COX10: variants seen among roughly 807,000 people sequenced by gnomAD.
COX10 encodes the protein protoheme IX farnesyltransferase, mitochondrial.
A neutral mutation model predicts 37.3 loss-of-function variants in COX10; 27 were observed. That is an observed-to-expected ratio of 0.72 (90% CI 0.53 to 1.00). COX10 has a LOEUF of 1.00. COX10 is among the 50% of genes least tolerant of loss of function. The probability of loss-of-function intolerance (pLI) is 0.00; values close to 1 mark genes in which losing one functional copy is unlikely to be tolerated. For missense variants in COX10, 475 were observed against 563.2 expected (o/e 0.84, Z 1.59); for synonymous variants, 222 against 229.1 (o/e 0.97, Z 0.28).
At chr17:14,129,804 TG>T (rs1354942247) in intron 4 of COX10, among the ~76,000 whole-genome samples, 2 of 152,210 alleles carry the variant, frequency 1.3e-5, no homozygotes, top group Non-Finnish European at 2.9e-5. Flanking sequence ...GAGGACTCTC[TG>T]GGTACAGTAG....
At chr17:14,098,667 G>A (rs1296703605) in intron 3 of COX10, among the ~76,000 whole-genome samples, 1 of 152,128 alleles carries the variant, frequency 6.6e-6, no homozygotes, top group African/African-American at 2.4e-5. Flanking sequence ...GCCTATGACA[G>A]GAGAGACTGT....
intron 3 of COX10, among the ~76,000 whole-genome samples, chr17:14,083,136 G>C (rs1422803643): frequency 1.3e-5 from 2 of 152,204 alleles, no homozygotes; most frequent in Non-Finnish European, 2.9e-5. Flanking sequence ...TACACACACA[G>C]ATGGAAAGGT....
intron 4 of COX10, among the ~76,000 whole-genome samples, chr17:14,135,469 T>C (rs1904334414): frequency 1.3e-5 from 2 of 151,794 alleles, no homozygotes. Flanking sequence ...CAGATGCTTG[T>C]CTCCACTCCC....
intron 5 of COX10, among the ~76,000 whole-genome samples, chr17:14,189,079 C>CTT (rs150588459): frequency 0.013 from 1,437 of 114,114 alleles, 18 homozygotes; most frequent in African/African-American, 0.022. Context: ...TCATTTTCTT[C>CTT]TTTTTTTTTT....
At chr17:14,144,413 T>A (rs1311420568) in intron 4 of COX10, among the ~76,000 whole-genome samples, 1 of 152,150 alleles carries the variant, frequency 6.6e-6, no homozygotes, top group East Asian at 1.9e-4. Context: ...TGTGAGGGGA[T>A]CTGCAAGGAT....
intron 5 of COX10, among the ~76,000 whole-genome samples, chr17:14,181,736 A>G (rs1463844166): frequency 6.6e-6 from 1 of 152,154 alleles, no homozygotes; most frequent in Non-Finnish European, 1.5e-5. Flanking sequence ...TCCAGGAGTA[A>G]TGGAGGGATT....
At chr17:14,165,177 A>G (rs762691675) in intron 5 of COX10, among the ~76,000 whole-genome samples, 3 of 152,238 alleles carry the variant, frequency 2.0e-5, no homozygotes, top group Non-Finnish European at 4.4e-5. Context: ...TATCTAAATT[A>G]TTATAGTTTG....
chr17:14,158,881 C>T (rs895285624), intron 4 of COX10, among the ~76,000 whole-genome samples: 3 of 152,076 alleles, frequency 2.0e-5, no homozygotes, highest in Admixed American at 6.6e-5. Context: ...CCCATTTAGT[C>T]AAAGATTTCT....
chr17:14,189,623 G>A (rs1906140780), intron 5 of COX10, among the ~76,000 whole-genome samples: 1 of 152,182 alleles, frequency 6.6e-6, no homozygotes, highest in South Asian at 2.1e-4. Context: ...ATCCTGTTCA[G>A]ACATGTTATA....
At chr17:14,200,810 C>A (rs1006146430) in intron 6 of COX10, among the ~76,000 whole-genome samples, 45 of 152,172 alleles carry the variant, frequency 3.0e-4, no homozygotes, top group African/African-American at 9.9e-4. Context: ...TGGGAAGATA[C>A]AGTTAAAAGA....
chr17:14,164,701 C>A (rs909314799), intron 5 of COX10, among the ~76,000 whole-genome samples: 5 of 152,080 alleles, frequency 3.3e-5, no homozygotes, highest in African/African-American at 1.2e-4. Context: ...AATAGATCCC[C>A]GTGAGAACCG....
At position 14,182,088 on chromosome 17, in the gene COX10, G is replaced by A. The variant is rs577616910; in HGVS notation, c.696-9901G>A. 262 of 981,930 alleles carry A rather than the reference G, an allele frequency of 2.7e-4. No homozygotes were observed. In the African/African-American group the frequency reaches 4.3e-3, roughly 16 times the overall value. The allele number at this position is 981,930 out of a possible 1,614,324, so 60.8% of individuals were successfully genotyped here. ...AGTCAGCTTTCAGAACTCATTCAGC[G>A]TAGATCTGGTTTGTTTTCTTCCTTG... On this transcript the variant is annotated intron_variant, in intron 5 of 6. Transcript: ENST00000261643.
At chr17:14,205,511 C>T (rs964527432) in intron 6 of COX10, among the ~76,000 whole-genome samples, 8 of 152,194 alleles carry the variant, frequency 5.3e-5, no homozygotes, top group African/African-American at 1.7e-4. Context: ...GGCAGGAGCA[C>T]GTGTGGATTG....
intron 6 of COX10, among the ~76,000 whole-genome samples, chr17:14,200,095 G>C (rs528730919): frequency 5.9e-4 from 90 of 152,258 alleles, no homozygotes; most frequent in South Asian, 1.9e-3. Flanking sequence ...ATGGGTTTGG[G>C]GGGTGGGGGT....
At chr17:14,129,373 C>T (rs1157123536) in intron 4 of COX10, among the ~76,000 whole-genome samples, 1 of 152,158 alleles carries the variant, frequency 6.6e-6, no homozygotes, top group East Asian at 1.9e-4. Context: ...CTTTCCTCAG[C>T]TCATGAGTCC....
At chr17:14,095,256 C>A (rs1255058075) in intron 3 of COX10, among the ~76,000 whole-genome samples, 1 of 152,100 alleles carries the variant, frequency 6.6e-6, no homozygotes, top group South Asian at 2.1e-4. Context: ...CCTCTTTGAC[C>A]TTTTTGGATT....
intron 2 of COX10, among the ~76,000 whole-genome samples, chr17:14,076,014 C>A (rs1915138887): frequency 7.3e-6 from 1 of 136,238 alleles, no homozygotes; most frequent in African/African-American, 2.8e-5. Context: ...AAAAAAAAAT[C>A]ATTCAGCCCT....
intron 3 of COX10, among the ~76,000 whole-genome samples, chr17:14,085,549 C>A (rs1170836016): frequency 6.6e-6 from 1 of 151,900 alleles, no homozygotes; most frequent in African/African-American, 2.4e-5. Flanking sequence ...ATATTTTTTT[C>A]TCAAAGTTAG....
chr17:14,201,929 C>T (rs960257095), intron 6 of COX10, among the ~76,000 whole-genome samples: 3 of 152,170 alleles, frequency 2.0e-5, no homozygotes, highest in African/African-American at 7.2e-5. Flanking sequence ...ACTTTATTTA[C>T]CATCAAAATA....
Sources: allele counts gnomAD v4.1 joint callset (sites outside exome capture counted in the v4.1 genomes callset), GRCh38; gene constraint gnomAD v4.1.1; transcripts MANE v1.5; gene names NCBI Gene and HGNC (gene_info 2026-07-23, HGNC 2026-07-21).